IREB2: variants seen among roughly 807,000 people sequenced by gnomAD.
IREB2 encodes iron responsive element binding protein 2.
In IREB2, 39 loss-of-function variants were observed where a neutral mutation model predicts 118.8. That is an observed-to-expected ratio of 0.33 (90% CI 0.25 to 0.43). The LOEUF (loss-of-function observed/expected upper bound fraction) is 0.43. Ranked by LOEUF, IREB2 falls within the 20% of genes least tolerant of loss-of-function variation. The pLI is 1.00. For synonymous variants in IREB2, 372 were observed against 392.2 expected (o/e 0.95, Z 0.61); for missense variants, 900 against 1,147.3 (o/e 0.78, Z 3.11).
intron 9 of IREB2, among the ~76,000 whole-genome samples, chr15:78,477,478 C>G (rs1252202102): frequency 6.6e-6 from 1 of 152,188 alleles, no homozygotes; most frequent in Non-Finnish European, 1.5e-5. Flanking sequence ...GCAAAACACC[C>G]TCATGTGGTT....
chr15:78,454,193 A>G (rs1003409736), intron 2 of IREB2, among the ~76,000 whole-genome samples: 2 of 152,254 alleles, frequency 1.3e-5, no homozygotes, highest in Admixed American at 6.5e-5. Context: ...CTAAGTATCT[A>G]TCCAAGAAAA....
In IREB2 at chr15:78,482,373, A is replaced by G. The variant is rs560046259; in HGVS notation, c.1297-945A>G. Among the ~76,000 whole-genome samples, 5 of 152,366 alleles carry G rather than the reference A, an allele frequency of 3.3e-5. No individual in the cohort carries two copies. In the East Asian group the frequency reaches 9.6e-4, roughly 29 times the overall value. On this transcript the variant is annotated intron_variant, in intron 10 of 21. Coordinates refer to ENST00000258886, the MANE Select transcript of IREB2 (RefSeq NM_004136.4). ...ACATAAAATGCATGAAGGAAACGAT[A>G]GAAATGCCAGAAGAAATAAATAGGA...
At chr15:78,458,077 A>C (rs890895281) in intron 2 of IREB2, among the ~76,000 whole-genome samples, 1 of 152,192 alleles carries the variant, frequency 6.6e-6, no homozygotes, top group African/African-American at 2.4e-5. Flanking sequence ...GGTAGCTGAC[A>C]GTCCCATTTT....
At chr15:78,489,496 T>C (rs901782800) in intron 16 of IREB2, among the ~76,000 whole-genome samples, 23 of 152,020 alleles carry the variant, frequency 1.5e-4, no homozygotes, top group African/African-American at 5.6e-4. Flanking sequence ...TTATGCAATA[T>C]TTATTATTTT....
In IREB2 at chr15:78,488,236, T is replaced by C. The variant is rs755289203; in HGVS notation, c.1851T>C (p.Leu617=). The change falls in exon 15 of 22, where the codon CTT becomes CTC. Residue 617 remains leucine, a synonymous_variant. Coordinates refer to ENST00000258886, the MANE Select transcript of IREB2 (RefSeq NM_004136.4). The stretch of plus-strand genomic sequence containing the variant: ...GAAACAAAAATTTTGAAGGTCGTCT[T>C]TGTGATTGTGTTCGTGCCAATTATC... ...LSGNKNFEGR[L]CDCVRANYLA... is the part of the protein sequence containing the mutation. The C allele has an allele frequency of 6.2e-6, 10 of 1,612,764 alleles. No homozygotes were observed. Among genetic ancestry groups the C allele is most frequent in the Non-Finnish European group, 6.8e-6 (8 of 1,179,702 alleles).
chr15:78,470,736 C>G (rs1385494636), intron 6 of IREB2, 135 bp downstream of exon 6: 1 of 479,178 alleles, frequency 2.1e-6, no homozygotes, highest in East Asian at 3.3e-5. Context: ...GCCCTGTTAC[C>G]CAGGCTGGAG....
intron 18 of IREB2, among the ~76,000 whole-genome samples, chr15:78,492,362 C>CAAAGATTACCAAGATTACCA (rs2141526428): frequency 6.6e-6 from 1 of 150,918 alleles, no homozygotes; most frequent in South Asian, 2.1e-4. Flanking sequence ...ACAATTTTAC[C>CAAAGATTACCAAGATTACCA]AAAAATTACC....
intron 2 of IREB2, among the ~76,000 whole-genome samples, chr15:78,443,815 T>G (rs1346373600): frequency 6.6e-6 from 1 of 151,990 alleles, no homozygotes; most frequent in Non-Finnish European, 1.5e-5. Context: ...TCCGGCTGAT[T>G]TTTTATTTTT....
chr15:78,467,362 C>T (rs914757153), intron 5 of IREB2, among the ~76,000 whole-genome samples: 1 of 152,082 alleles, frequency 6.6e-6, no homozygotes, highest in Non-Finnish European at 1.5e-5. Context: ...TAGGATTTGG[C>T]TAGATTTCCT....
chr15:78,438,265 C>T lies in IREB2; in HGVS notation c.-73C>T, dbSNP rs186821594. ...TTGCCAGTCCGCCTGTCTTCCTCCC[C>T]GTCTTCCCTGCCCGGCCTCCCCCTT... On this transcript the variant is annotated 5_prime_UTR_variant, in exon 1 of 22. Coordinates refer to ENST00000258886, the MANE Select transcript of IREB2 (RefSeq NM_004136.4). 5.9e-6 allele frequency: 7 copies of T among 1,195,826 alleles called. No individual in the cohort carries two copies. Among genetic ancestry groups the T allele is most frequent in the Admixed American group, 2.0e-5 (1 of 50,558 alleles). 74.1% of individuals were successfully genotyped at this position (1,195,826 alleles called of 1,614,324 possible). A position where few individuals can be genotyped will look rare whatever the true frequency, so the allele number is the denominator to read the frequency against.
At position 78,499,660 on chromosome 15, in the gene IREB2, A is replaced by G. The variant is rs1329767950; in HGVS notation, c.*1517A>G. Reference sequence around the variant, plus strand: ...AATGATTTCTTTATTTAAATTTTGTATAAGTATTTTCTTCGACACTTTCAA... The same window carrying G: ...AATGATTTCTTTATTTAAATTTTGTGTAAGTATTTTCTTCGACACTTTCAA... On this transcript the variant is annotated 3_prime_UTR_variant, in exon 22 of 22. Coordinates refer to ENST00000258886, the MANE Select transcript of IREB2 (RefSeq NM_004136.4). 2.6e-5 allele frequency: 4 copies of G among 152,258 alleles called. No individual in the cohort carries two copies. Among genetic ancestry groups the G allele is most frequent in the Non-Finnish European group, 5.9e-5 (4 of 68,038 alleles). 9.4% of individuals were successfully genotyped at this position (152,258 alleles called of 1,614,324 possible).
intron 5 of IREB2, among the ~76,000 whole-genome samples, chr15:78,467,948 C>T (rs955662828): frequency 1.3e-5 from 2 of 152,092 alleles, no homozygotes; most frequent in Non-Finnish European, 1.5e-5. Flanking sequence ...CAGTCTCGAT[C>T]TCTTGGACTC....
At chr15:78,476,485 A>G (rs1019976304) in intron 9 of IREB2, 126 bp downstream of exon 9, 3 of 653,148 alleles carry the variant, frequency 4.6e-6, no homozygotes, top group Middle Eastern at 4.5e-4. Context: ...TGAAACAACA[A>G]CTTTCAAGCA....
chr15:78,445,331 T>C (rs1240774268), intron 2 of IREB2, among the ~76,000 whole-genome samples: 1 of 152,168 alleles, frequency 6.6e-6, no homozygotes, highest in African/African-American at 2.4e-5. Flanking sequence ...AGAGACAGGG[T>C]TTCGCCATGC....
At chr15:78,460,548 G>A (rs2051179542) in intron 2 of IREB2, among the ~76,000 whole-genome samples, 6 of 152,002 alleles carry the variant, frequency 3.9e-5, no homozygotes, top group Admixed American at 3.3e-4. Flanking sequence ...CTTTGGTTTC[G>A]GACACAAGAT....
At chr15:78,473,504 C>T in intron 8 of IREB2, 123 bp downstream of exon 8, 1 of 684,216 alleles carries the variant, frequency 1.5e-6, no homozygotes, top group East Asian at 2.6e-5. Context: ...ACGTTAGCCA[C>T]ATCATCATAG....
intron 2 of IREB2, among the ~76,000 whole-genome samples, chr15:78,452,756 GAA>G (rs2141460235): frequency 6.6e-6 from 1 of 152,188 alleles, no homozygotes; most frequent in African/African-American, 2.4e-5. Context: ...TTAAAAAAAT[GAA>G]AAAGAACTAT....
intron 9 of IREB2, among the ~76,000 whole-genome samples, chr15:78,477,472 A>G (rs2051491333): frequency 6.6e-6 from 1 of 152,188 alleles, no homozygotes; most frequent in Non-Finnish European, 1.5e-5. Context: ...TATCAGGCAA[A>G]ACACCCTCAT....
At chr15:78,487,690 A>G (rs1555409264) in intron 13 of IREB2, 43 bp from the exon 14 acceptor site, 2 of 1,017,434 alleles carry the variant, frequency 2.0e-6, no homozygotes, top group Admixed American at 1.8e-5. Context: ...TTCTCTATAA[A>G]TGTTGTGATG....
Sources: allele counts gnomAD v4.1 joint callset (sites outside exome capture counted in the v4.1 genomes callset), GRCh38; gene constraint gnomAD v4.1.1; transcripts MANE v1.5; gene names NCBI Gene and HGNC (gene_info 2026-07-23, HGNC 2026-07-21).